The following IMMP2L variants were observed in gnomAD, a reference collection of about 807,000 sequenced individuals.
IMMP2L encodes inner mitochondrial membrane peptidase subunit 2.
Under a neutral mutation model 19.3 loss-of-function variants are expected in IMMP2L, and 18 were observed. The ratio of observed to expected loss-of-function variants is 0.93; its 90% CI spans 0.64 to 1.38. IMMP2L has a LOEUF of 1.38. Among genes scored for constraint, IMMP2L ranks in the 40% most tolerant of loss-of-function variants. The pLI, the probability that IMMP2L is intolerant of heterozygous loss-of-function variation, is 0.00. For synonymous variants in IMMP2L, 76 were observed against 73.0 expected, an observed-to-expected ratio of 1.04 and a Z score of -0.21; for missense variants, 233 against 218.2, an observed-to-expected ratio of 1.07 and a Z score of -0.43.
intron 4 of IMMP2L, among the ~76,000 whole-genome samples, chr7:110,892,643 G>A (rs912452302): frequency 1.3e-5 from 2 of 152,084 alleles, no homozygotes; most frequent in Non-Finnish European, 2.9e-5. Context: ...ACGTTGTAAT[G>A]AAATTGTAGA....
intron 1 of IMMP2L, among the ~76,000 whole-genome samples, chr7:111,556,018 G>GTTTATATATATATATATATATA: frequency 1.1e-5 from 1 of 91,374 alleles, no homozygotes; most frequent in East Asian, 4.4e-4. Flanking sequence ...CTGTGTGCAT[G>GTTTATATATATATATATATATA]TATATATATA....
intron 5 of IMMP2L, chr7:110,664,852 A>T (rs1584436228): frequency 6.6e-6 from 1 of 152,260 alleles, no homozygotes; most frequent in Non-Finnish European, 1.5e-5. Context: ...TTTTCCTATA[A>T]ACTGGACTTC....
intron 3 of IMMP2L, among the ~76,000 whole-genome samples, chr7:111,230,609 AT>A (rs1813608234): frequency 6.6e-6 from 1 of 152,056 alleles, no homozygotes. Flanking sequence ...GGTGGTATAC[AT>A]TTATTTATTC....
chr7:111,289,419 TAA>T (rs986444046), intron 3 of IMMP2L, among the ~76,000 whole-genome samples: 2 of 134,450 alleles, frequency 1.5e-5, no homozygotes, highest in Non-Finnish European at 3.2e-5. Flanking sequence ...AAAGTATAAT[TAA>T]AAAAAAAAAA....
At chr7:110,807,463 T>A (rs545262397) in intron 5 of IMMP2L, among the ~76,000 whole-genome samples, 1 of 152,142 alleles carries the variant, frequency 6.6e-6, no homozygotes, top group East Asian at 1.9e-4. Context: ...TCCCTCTTCC[T>A]AACCACTTCC....
chr7:111,148,303 A>G (rs1803699868), intron 3 of IMMP2L, among the ~76,000 whole-genome samples: 3 of 152,158 alleles, frequency 2.0e-5, no homozygotes, highest in African/African-American at 7.2e-5. Context: ...TAGTGAAAAC[A>G]GGCAAATCTA....
intron 2 of IMMP2L, among the ~76,000 whole-genome samples, chr7:111,494,252 T>C (rs1190194096): frequency 6.6e-6 from 1 of 152,174 alleles, no homozygotes. Flanking sequence ...AGTATTTGAT[T>C]GTATCAGATA....
intron 1 of IMMP2L, among the ~76,000 whole-genome samples, chr7:111,523,411 C>T (rs1213194524): frequency 6.6e-6 from 1 of 151,980 alleles, no homozygotes; most frequent in African/African-American, 2.4e-5. Flanking sequence ...TATCTGTTCA[C>T]TCATAAAATA....
chr7:110,882,270 T>C (rs1465752159), intron 5 of IMMP2L, among the ~76,000 whole-genome samples: 1 of 150,114 alleles, frequency 6.7e-6, no homozygotes, highest in Non-Finnish European at 1.5e-5. Flanking sequence ...CAGTCCCAAT[T>C]CCTCTCTTTG....
chr7:111,422,303 T>C (rs1364910266), intron 3 of IMMP2L, among the ~76,000 whole-genome samples: 1 of 151,912 alleles, frequency 6.6e-6, no homozygotes, highest in Non-Finnish European at 1.5e-5. Flanking sequence ...ATCAATAAAT[T>C]ACTTTGGGCA....
chr7:111,049,413 G>A (rs1309305232), intron 3 of IMMP2L, among the ~76,000 whole-genome samples: 1 of 152,034 alleles, frequency 6.6e-6, no homozygotes, highest in Non-Finnish European at 1.5e-5. Context: ...TTACAGGCGT[G>A]AGCCACCGCG....
chr7:111,045,552 T>C (rs573404798), intron 3 of IMMP2L, among the ~76,000 whole-genome samples: 2 of 152,322 alleles, frequency 1.3e-5, no homozygotes, highest in South Asian at 4.1e-4. Flanking sequence ...GATCCAGACC[T>C]TGACCATCTC....
intron 3 of IMMP2L, among the ~76,000 whole-genome samples, chr7:111,251,465 C>G (rs1390023642): frequency 6.6e-6 from 1 of 152,102 alleles, no homozygotes; most frequent in Non-Finnish European, 1.5e-5. Context: ...ATGTTCCATG[C>G]AGCACTATTC....
intron 3 of IMMP2L, among the ~76,000 whole-genome samples, chr7:111,400,949 C>T (rs958919932): frequency 3.3e-5 from 5 of 151,764 alleles, no homozygotes; most frequent in African/African-American, 4.8e-5. Context: ...ATAATCTCTT[C>T]CCAAATATAT....
intron 3 of IMMP2L, among the ~76,000 whole-genome samples, chr7:111,119,948 G>T (rs1326400218): frequency 6.6e-6 from 1 of 152,136 alleles, no homozygotes; most frequent in East Asian, 1.9e-4. Context: ...TTCCCAGAGG[G>T]GAGATTCTTG....
At chr7:111,431,010 G>C (rs536173063) in intron 3 of IMMP2L, among the ~76,000 whole-genome samples, 1 of 151,760 alleles carries the variant, frequency 6.6e-6, no homozygotes. Flanking sequence ...GGGAGGCTGA[G>C]GCATGAGAAT....
intron 3 of IMMP2L, among the ~76,000 whole-genome samples, chr7:111,313,258 T>G (rs1420706591): frequency 6.6e-6 from 1 of 152,132 alleles, no homozygotes; most frequent in Non-Finnish European, 1.5e-5. Context: ...AAATAGCTGC[T>G]TCTTCTCTCC....
At chr7:110,817,003 G>C (rs1041380605) in intron 5 of IMMP2L, among the ~76,000 whole-genome samples, 1 of 152,126 alleles carries the variant, frequency 6.6e-6, no homozygotes, top group African/African-American at 2.4e-5. Flanking sequence ...CTTTGGTCCT[G>C]TCATTATGAT....
At position 110,760,635 on chromosome 7, in the gene IMMP2L, G is replaced by A. The variant is rs1382121357; in HGVS notation, c.409-96914C>T. Among the ~76,000 whole-genome samples the A allele has an allele frequency of 1.3e-5, 2 of 152,088 alleles. No homozygotes were observed. Among genetic ancestry groups the A allele is most frequent in the South Asian group, 2.1e-4 (1 of 4,826 alleles). Reference sequence around the variant, plus strand: ...TGAAAGGGAGCAACGTGTTGGTTACGTTTTCCTTCCAACATATCACAGAAT... The same window carrying A: ...TGAAAGGGAGCAACGTGTTGGTTACATTTTCCTTCCAACATATCACAGAAT... On this transcript the variant is annotated intron_variant, in intron 5 of 5. Transcript: ENST00000405709. The surrounding 1 kb of genome is among the most constrained non-coding windows in gnomAD (Gnocchi z 4.2).
Sources: allele counts gnomAD v4.1 joint callset (sites outside exome capture counted in the v4.1 genomes callset), GRCh38; gene constraint gnomAD v4.1.1; non-coding constraint Gnocchi (gnomAD v3.1); transcripts MANE v1.5; gene names NCBI Gene and HGNC (gene_info 2026-07-23, HGNC 2026-07-21).